The following MGST1 variants were observed in gnomAD, a reference collection of about 807,000 sequenced individuals.
MGST1 encodes microsomal glutathione S-transferase 1.
Under a neutral mutation model 8.9 loss-of-function variants are expected in MGST1, and 5 were observed. The ratio of observed to expected loss-of-function variants is 0.56; its 90% confidence interval spans 0.29 to 1.19. The LOEUF (loss-of-function observed/expected upper bound fraction) is 1.19. MGST1 is among the 50% of genes most tolerant of loss of function. The pLI, the probability that MGST1 is intolerant of heterozygous loss-of-function variation, is 0.08. For missense variants in MGST1, 182 were observed against 187.4 expected (o/e 0.97, Z 0.17); for synonymous variants, 54 against 67.8 (o/e 0.80, Z 1.00).
Position 16,389,088 on chromosome 12 carries a change from G to T in MGST1, n.778+5484G>T, listed in dbSNP as rs1456239035. Among the ~76,000 whole-genome samples, 2 of 152,204 alleles carry T rather than the reference G, an allele frequency of 1.3e-5. No individual in the cohort carries two copies. Among genetic ancestry groups the T allele is most frequent in the East Asian group, 1.9e-4 (1 of 5,192 alleles). On this transcript the variant is annotated intron_variant and non_coding_transcript_variant, in intron 1 of 1. Coordinates refer to the MGST1 transcript ENST00000359720. The surrounding 1 kb of genome is among the most constrained non-coding windows in gnomAD (Gnocchi z 4.6). ...CTTTGCGTATCTGAAGACAAATACA[G>T]GTGGCATAGGGATGGTAAATACCTT...
At chr12:16,446,294 AAT>A (rs1386341040) in intron 4 of MGST1, among the ~76,000 whole-genome samples, 8 of 151,808 alleles carry the variant, frequency 5.3e-5, no homozygotes, top group Admixed American at 1.3e-4. Context: ...AAATTATTTC[AAT>A]ATGTGTTTGT....
chr12:16,423,457 T>A (rs1940859158), intron 1 of MGST1, among the ~76,000 whole-genome samples: 1 of 149,854 alleles, frequency 6.7e-6, no homozygotes, highest in African/African-American at 2.4e-5. Context: ...TGTCCATGCT[T>A]ATTATTTATC....
intron 3 of MGST1, among the ~76,000 whole-genome samples, chr12:16,358,192 G>GA (rs1939814488): frequency 6.6e-6 from 1 of 152,166 alleles, no homozygotes; most frequent in Admixed American, 6.5e-5. Context: ...AATGAGCAAT[G>GA]AAAAGCAATA....
chr12:16,392,092 A>G (rs2137053110), intron 1 of MGST1, among the ~76,000 whole-genome samples: 2 of 152,176 alleles, frequency 1.3e-5, no homozygotes, highest in Middle Eastern at 6.8e-3. Flanking sequence ...ATTCTGTTCC[A>G]TTGGTCTATG....
rs1315386839 is a variant in MGST1, at chr12:16,585,345, A to T, written n.483-4183A>T. On this transcript the variant is annotated intron_variant and non_coding_transcript_variant, in intron 4 of 4. Transcript: ENST00000538857. This position sits in a 1 kb window ranked among gnomAD's most constrained non-coding sequence, Gnocchi z 4.7. ...TTTGCATATTTGTGTATATATTTTTAAAAAGTGGATTAACTTTATGTTAAA... is the reference window on the plus strand; with the variant it reads ...TTTGCATATTTGTGTATATATTTTTTAAAAGTGGATTAACTTTATGTTAAA... Among the ~76,000 whole-genome samples the T allele has an allele frequency of 2.0e-5, 3 of 152,224 alleles. No homozygotes were observed. Among genetic ancestry groups the T allele is most frequent in the African/African-American group, 7.2e-5 (3 of 41,452 alleles).
intron 4 of MGST1, among the ~76,000 whole-genome samples, chr12:16,556,599 A>G (rs938134570): frequency 6.6e-6 from 1 of 152,246 alleles, no homozygotes; most frequent in Non-Finnish European, 1.5e-5. Flanking sequence ...TTAAGAGAAA[A>G]TGCCTATGAA....
At chr12:16,570,507 G>A (rs1378145931) in intron 4 of MGST1, among the ~76,000 whole-genome samples, 1 of 151,966 alleles carries the variant, frequency 6.6e-6, no homozygotes, top group African/African-American at 2.4e-5. Flanking sequence ...AAATGATCAT[G>A]GTCATTTTGT....
chr12:16,380,360 T>C (rs191542055), downstream of MGST1, among the ~76,000 whole-genome samples: 159 of 152,358 alleles, frequency 1.0e-3, no homozygotes, highest in African/African-American at 3.7e-3. Flanking sequence ...CTCATTGGTT[T>C]CAAAGAACAT....
chr12:16,474,458 C>G (rs1941307811), intron 4 of MGST1, among the ~76,000 whole-genome samples: 1 of 152,164 alleles, frequency 6.6e-6, no homozygotes, highest in Non-Finnish European at 1.5e-5. Flanking sequence ...TTTGCCAAGA[C>G]TCTTGGATAT....
intron 1 of MGST1, among the ~76,000 whole-genome samples, chr12:16,426,752 C>T (rs1940892639): frequency 6.6e-6 from 1 of 152,028 alleles, no homozygotes; most frequent in South Asian, 2.1e-4. Context: ...GAGATTGAGA[C>T]CATCCTGGCT....
At chr12:16,551,316 C>A in intron 4 of MGST1, 1 of 1,600,088 alleles carries the variant, frequency 6.2e-7, no homozygotes, top group Non-Finnish European at 8.6e-7. Context: ...AAATTTGTCT[C>A]CAACACAAAA....
At chr12:16,352,220 C>A (rs922428536) in intron 1 of MGST1, among the ~76,000 whole-genome samples, 1 of 152,172 alleles carries the variant, frequency 6.6e-6, no homozygotes, top group Non-Finnish European at 1.5e-5. Context: ...GAACACATAG[C>A]AAGCTCTAAT....
rs562267817 is a variant in MGST1, at chr12:16,447,546, C to A, written n.482+63942C>A. On this transcript the variant is annotated intron_variant and non_coding_transcript_variant, in intron 4 of 4. Coordinates refer to the MGST1 transcript ENST00000538857. ...AAGGATTTAGAAAACTTTGGGGAAC[C>A]CAAATCTTTGGGTGAATAGGTGCAT... is the stretch of plus-strand genomic sequence containing the variant. 3.3e-5 allele frequency among the ~76,000 whole-genome samples: 5 copies of A among 151,964 alleles called. No individual in the cohort carries two copies. In the South Asian group the frequency reaches 1.0e-3, roughly 32 times the overall value.
chr12:16,536,843 T>C (rs1941759413), intron 4 of MGST1, among the ~76,000 whole-genome samples: 2 of 152,188 alleles, frequency 1.3e-5, no homozygotes. Context: ...TCCCACAACA[T>C]GTGGGAATTA....
chr12:16,438,682 T>A (rs1477284216), exon 2 of MGST1: 1 of 151,918 alleles, frequency 6.6e-6, no homozygotes, highest in Non-Finnish European at 1.5e-5. Context: ...TCCTTCTTTA[T>A]GTTGATTTCT....
chr12:16,536,082 A>AGTGT (rs10579042), intron 4 of MGST1, among the ~76,000 whole-genome samples: 2,847 of 145,408 alleles, frequency 0.02, 63 homozygotes, highest in African/African-American at 0.053. Flanking sequence ...GGTGTGTGTG[A>AGTGT]GTGTGTGTGT....
At chr12:16,379,145 T>C (rs61668743), downstream of MGST1, among the ~76,000 whole-genome samples, 19,476 of 152,044 alleles carry the variant, frequency 0.13, 1,370 homozygotes, top group East Asian at 0.26. Context: ...TTATTTCCTT[T>C]TCCTGCCTGA....
At chr12:16,386,740 A>G (rs896938364) in intron 1 of MGST1, among the ~76,000 whole-genome samples, 2 of 152,126 alleles carry the variant, frequency 1.3e-5, no homozygotes, top group Non-Finnish European at 2.9e-5. Context: ...TCAGTTACCT[A>G]TGGTCACTTG....
intron 4 of MGST1, among the ~76,000 whole-genome samples, chr12:16,483,937 C>G (rs73320860): frequency 0.13 from 20,391 of 152,128 alleles, 1,586 homozygotes; most frequent in Non-Finnish European, 0.16. Flanking sequence ...AAAAACCAGC[C>G]ATATTCTAGG....
Sources: gnomAD v4.1 joint callset for allele counts (sites outside exome capture counted in the v4.1 genomes callset) on GRCh38, gnomAD v4.1.1 for gene constraint, Gnocchi (gnomAD v3.1) non-coding constraint, MANE v1.5 for transcripts, NCBI Gene and HGNC (gene_info 2026-07-23, HGNC 2026-07-21) for gene names.